The following TONSL variants were observed in gnomAD, a reference collection of about 807,000 sequenced individuals.
The protein encoded by TONSL is tonsoku-like protein.
Under a neutral mutation model 147.1 loss-of-function variants are expected in TONSL, and 112 were observed. The observed-to-expected ratio is 0.76, with a 90% confidence interval of 0.65 to 0.89. The LOEUF (loss-of-function observed/expected upper bound fraction) is 0.89. Ranked by LOEUF, TONSL falls within the 40% of genes least tolerant of loss-of-function variation. The pLI is 0.00. For synonymous variants in TONSL, 868 were observed against 801.5 expected (o/e 1.08, Z -1.40); for missense variants, 1,883 against 1,864.6 (o/e 1.01, Z -0.18).
rs1309568313 is a variant in TONSL at position 144,442,335 on chromosome 8, G to C, written c.656C>G (p.Ser219Cys). 14 of 1,595,712 alleles carry C rather than the reference G, an allele frequency of 8.8e-6. No individual in the cohort carries two copies. Among genetic ancestry groups the C allele is most frequent in the Non-Finnish European group, 1.2e-5 (14 of 1,167,592 alleles). ...GTIHWRAGQH[S>C]QAMRCLEGAR... The stretch of plus-strand genomic sequence containing the variant: ...ACCCTCCAAGCAGCGCATAGCCTGG[G>C]AGTGCTGGCCCGCGCGCCAGTGGAT... Residue 219 changes from serine to cysteine, a missense_variant, in exon 6 of 26, where the codon TCC (serine) becomes TGC (cysteine). Ser to Cys is a moderately radical substitution (Grantham distance 112). Coordinates refer to ENST00000409379, the MANE Select transcript of TONSL (RefSeq NM_013432.5).
Position 144,440,132 on chromosome 8 carries a change from G to A in TONSL, c.1369C>T (p.Arg457Trp), listed in dbSNP as rs150533498. Residue 457 changes from arginine (R) to tryptophan (W), a missense_variant, in exon 11 of 26, where the codon CGG becomes TGG. By Grantham distance (101) the Arg-to-Trp change is moderately radical. Coordinates refer to ENST00000409379, the MANE Select transcript of TONSL (RefSeq NM_013432.5). The part of the protein sequence containing the change: ...QEAPETETRL[R>W]ELSVAEDEDE... The stretch of plus-strand genomic sequence containing the variant: ...TCATCTTCAGCTACACTGAGCTCCC[G>A]TAGTCTGGTTTCGGTCTCAGGGGCC... 2.1e-5 allele frequency: 34 copies of A among 1,612,022 alleles called. No individual in the cohort carries two copies. In the Middle Eastern group the frequency reaches 1.7e-3, roughly 78 times the overall value.
intron 11 of TONSL, 36 bp downstream of exon 11, chr8:144,439,974 CGGCCCAGAGCA>C (rs2129675155): frequency 1.2e-6 from 1 of 823,270 alleles, no homozygotes; most frequent in Non-Finnish European, 2.1e-6. Flanking sequence ...CTCTCCAGCC[CGGCCCAGAGCA>C]GGCCCAGGGA....
Position 144,436,001 on chromosome 8 carries a change from G to A in TONSL, c.2432C>T (p.Pro811Leu), listed in dbSNP as rs756475917. ...SAQSRLGPGP[P>L]RGHSKALAPQ... Reference sequence around the variant, plus strand: ...GGCAAGGGCTTTGCTGTGGCCCCGCGGTGGGCCAGGCCCCAGCCGGCTCTG... The same window carrying A: ...GGCAAGGGCTTTGCTGTGGCCCCGCAGTGGGCCAGGCCCCAGCCGGCTCTG... The change falls in exon 17 of 26, where the codon CCG becomes CTG. Residue 811 changes from proline (P) to leucine (L), a missense_variant. Transcript: ENST00000409379. 2.5e-5 allele frequency: 39 copies of A among 1,551,762 alleles called. No homozygotes were observed. Among genetic ancestry groups the A allele is most frequent in the Middle Eastern group, 1.7e-4 (1 of 5,842 alleles).
chr8:144,434,920 G>A (rs746054533), intron 19 of TONSL, 31 bp from the exon 20 acceptor site: 3 of 1,612,510 alleles, frequency 1.9e-6, no homozygotes, highest in Non-Finnish European at 2.5e-6. Context: ...CCACCTGGGG[G>A]CTCCCCCGGC....
chr8:144,444,390 G>C lies in TONSL; in HGVS notation c.25C>G (p.Gln9Glu), dbSNP rs1823830969. MSLERELR[Q>E]LSKAKAKAQR... is the part of the protein sequence containing the mutation. ...AGGAAGGGGTCCCCGAGGAACTTAC[G>C]GCGAAGCTCGCGCTCCAGGCTCATG... The change falls in exon 1 of 26, where the codon CAG (glutamine) becomes GAG (glutamate). Residue 9 changes from glutamine (Q) to glutamate (E), a missense_variant and splice_region_variant. Gln to Glu is a conservative substitution (Grantham distance 29). Transcript: ENST00000409379. 1.7e-5 allele frequency: 21 copies of C among 1,272,670 alleles called. No homozygotes were observed. The East Asian group carries it at 5.7e-4, about 34-fold the overall frequency. The allele number at this position is 1,272,670 out of a possible 1,614,324, so 78.8% of individuals were successfully genotyped here.
intron 23 of TONSL, among the ~76,000 whole-genome samples, chr8:144,431,403 C>A (rs535282715): frequency 6.0e-4 from 92 of 152,286 alleles, no homozygotes; most frequent in African/African-American, 1.8e-3. Flanking sequence ...CCCCTTGGGA[C>A]CTTCCTGGCG....
At chr8:144,437,380 G>A (rs915287285) in intron 13 of TONSL, among the ~76,000 whole-genome samples, 1 of 152,212 alleles carries the variant, frequency 6.6e-6, no homozygotes, top group Non-Finnish European at 1.5e-5. Context: ...AGGCAGGCGG[G>A]GCGGGAAGGT....
At position 144,435,863 on chromosome 8, in the gene TONSL, C is replaced by T. The variant is rs148146816; in HGVS notation, c.2570G>A (p.Arg857His). ...RPRPRGTGDNRRPSSTSGSDS... is the reference protein window; with the variant it reads ...RPRPRGTGDNHRPSSTSGSDS... Reference sequence around the variant, plus strand: ...CGACCCAGAGGTACTACTGGGCCTGCGGTTGTCTCCAGTGCCCCGGGGGCG... The same window carrying T: ...CGACCCAGAGGTACTACTGGGCCTGTGGTTGTCTCCAGTGCCCCGGGGGCG... The change falls in exon 17 of 26, where the codon CGC (arginine) becomes CAC (histidine). Residue 857 changes from arginine (R) to histidine (H), a missense_variant. Arg to His is a conservative substitution (Grantham distance 29, BLOSUM62 0). Transcript: ENST00000409379. 2.6e-5 allele frequency: 41 copies of T among 1,604,428 alleles called. No homozygotes were observed. Among genetic ancestry groups the T allele is most frequent in the African/African-American group, 2.3e-4 (17 of 74,442 alleles).
At position 144,442,286 on chromosome 8, in the gene TONSL, C is replaced by T; in HGVS notation, c.705G>A (p.Met235Ile). Residue 235 changes from methionine to isoleucine, a missense_variant, in exon 6 of 26, where the codon ATG (methionine) becomes ATA (isoleucine). By Grantham distance (10) the Met-to-Ile change is conservative. Coordinates refer to ENST00000409379, the MANE Select transcript of TONSL (RefSeq NM_013432.5). ...ACTCGCTCTCCATGAACCGCTTCCT[C>T]ATGGTGTGCGCACACTCCCGGGCAC... is the stretch of plus-strand genomic sequence containing the variant. ...LEGARECAHTMRKRFMESECC... is the reference protein window; with the variant it reads ...LEGARECAHTIRKRFMESECC... 1 of 1,597,626 alleles carries T rather than the reference C, an allele frequency of 6.3e-7. No homozygotes were observed.
chr8:144,440,696 G>T, intron 9 of TONSL, 22 bp downstream of exon 9: 1 of 1,604,938 alleles, frequency 6.2e-7, no homozygotes, highest in South Asian at 1.1e-5. Context: ...ACCTGCATTC[G>T]GGCGGGGAGC....
intron 13 of TONSL, among the ~76,000 whole-genome samples, chr8:144,437,412 C>T (rs1823512162): frequency 6.6e-6 from 1 of 152,212 alleles, no homozygotes; most frequent in African/African-American, 2.4e-5. Context: ...AGCCCATGGG[C>T]TAGCCCCCAT....
At position 144,436,180 on chromosome 8, in the gene TONSL, G is replaced by A. The variant is rs756871428; in HGVS notation, c.2253C>T (p.Gly751=). 2.9e-5 allele frequency: 46 copies of A among 1,575,844 alleles called. No individual in the cohort carries two copies. The Middle Eastern group carries it at 1.2e-3, about 40-fold the overall frequency. ...GCCTCTTCTGGGACGGCCGTGCGGG[G>A]CCTGCGCTGTCCTCGCCTTCTGAGC... is the stretch of plus-strand genomic sequence containing the variant. ...SSSSEGEDSA[G]PARPSQKRPR... Residue 751 remains glycine, a synonymous_variant, in exon 17 of 26, where the codon GGC becomes GGT. Coordinates refer to ENST00000409379, the MANE Select transcript of TONSL (RefSeq NM_013432.5).
chr8:144,435,979 A>T lies in TONSL; in HGVS notation c.2454T>A (p.Leu818=), dbSNP rs1823437199. The T allele has an allele frequency of 6.4e-7, 1 of 1,554,846 alleles. No individual in the cohort carries two copies. The highest frequency in any genetic ancestry group is 8.7e-7 in the Non-Finnish European group (1 of 1,151,450). The change falls in exon 17 of 26, where the codon CTT becomes CTA. Residue 818 remains leucine, a synonymous_variant. Coordinates refer to ENST00000409379, the MANE Select transcript of TONSL (RefSeq NM_013432.5). ...PGPPRGHSKA[L]APQAALIPEE... ...CCGGGATGAGCGCTGCCTGGGGGGC[A>T]AGGGCTTTGCTGTGGCCCCGCGGTG...
intron 11 of TONSL, 89 bp from the exon 12 acceptor site, chr8:144,438,824 G>A: frequency 7.2e-7 from 1 of 1,380,414 alleles, no homozygotes. Flanking sequence ...CAAACTCCCA[G>A]GTACAAAGGA....
intron 7 of TONSL, 188 bp downstream of exon 7, chr8:144,441,849 G>A (rs1823730700): frequency 1.4e-5 from 8 of 571,106 alleles, no homozygotes; most frequent in South Asian, 1.1e-4. Context: ...AGAGAAAAAA[G>A]GGGGTCTTCT....
In TONSL at chr8:144,430,516, T is replaced by C. The variant is rs1416947149; in HGVS notation, c.3831A>G (p.Ser1277=). 11 of 1,611,240 alleles carry C rather than the reference T, an allele frequency of 6.8e-6. No individual in the cohort carries two copies. The highest frequency in any genetic ancestry group is 1.7e-5 in the Admixed American group (1 of 59,642). Residue 1277 remains serine, a synonymous_variant, in exon 25 of 26, where the codon TCA becomes TCG. Transcript: ENST00000409379. ...DLCRCLSLCP[S]LISLDLSANP... is the part of the protein sequence containing the mutation. The stretch of plus-strand genomic sequence containing the variant: ...TGGCAGACAGATCCAGTGAGATGAG[T>C]GAGGGGCACAGAGAGAGACATCTGA...
rs111398204 is a variant in TONSL at position 144,438,437 on chromosome 8, G to C, written c.1653+34C>G. The C allele has an allele frequency of 1.7e-5, 27 of 1,603,814 alleles. 2 individuals carry two copies. The African/African-American group carries it at 1.9e-4, about 11-fold the overall frequency. On this transcript the variant is annotated intron_variant, in intron 13 of 25. Transcript: ENST00000409379. ...ACAAACGCACAGCTCCTCCATGCTA[G>C]GCAGCCTGTCCCACGTCCCAGAGCG...
Position 144,436,264 on chromosome 8 carries a change from C to T in TONSL, c.2169G>A (p.Ala723=), listed in dbSNP as rs200147646. Residue 723 remains alanine (A), a synonymous_variant, in exon 17 of 26, where the codon GCG becomes GCA. Transcript: ENST00000409379. ...TCCGAGGCCTGGCCATGGCTGGTGC[C>T]GCCTGCCCTGGGGAGACCCTGACAT... is the stretch of plus-strand genomic sequence containing the variant. ...QAHVRVSPGQ[A]APAMARPRRS... is the part of the protein sequence containing the mutation. 37 of 1,527,618 alleles carry T rather than the reference C, an allele frequency of 2.4e-5. No homozygotes were observed. The highest frequency in any genetic ancestry group is 1.8e-4 in the Middle Eastern group (1 of 5,692). 94.6% of individuals were successfully genotyped at this position (1,527,618 alleles called of 1,614,324 possible). A position where few individuals can be genotyped will look rare whatever the true frequency, so the allele number is the denominator to read the frequency against.
In TONSL at chr8:144,441,060, T is replaced by G; in HGVS notation, c.917A>C (p.Asp306Ala). The change falls in exon 8 of 26, where the codon GAC becomes GCC. Residue 306 changes from aspartate to alanine, a missense_variant. Physicochemically the swap from Asp to Ala is moderately radical, Grantham distance 126. Coordinates refer to ENST00000409379, the MANE Select transcript of TONSL (RefSeq NM_013432.5). Reference sequence around the variant, plus strand: ...ACAGATGACCATGGCACCCTGAGGGTCTCTGCCCTCAGCCTCTTCCAGCTG... The same window carrying G: ...ACAGATGACCATGGCACCCTGAGGGGCTCTGCCCTCAGCCTCTTCCAGCTG... Reference protein sequence around the residue: ...QQQLEEAEGRDPQGAMVICEQ... With the variant: ...QQQLEEAEGRAPQGAMVICEQ... The G allele has an allele frequency of 6.2e-7, 1 of 1,612,784 alleles. No homozygotes were observed. Among genetic ancestry groups the G allele is most frequent in the Non-Finnish European group, 8.5e-7 (1 of 1,179,948 alleles).
Sources: gnomAD v4.1 joint callset for allele counts (sites outside exome capture counted in the v4.1 genomes callset) on GRCh38, gnomAD v4.1.1 for gene constraint, MANE v1.5 for transcripts, NCBI Gene and HGNC (gene_info 2026-07-23, HGNC 2026-07-21) for gene names.